The following MANEA variants were observed in gnomAD, a reference collection of about 807,000 sequenced individuals.
The protein encoded by MANEA is mannosidase endo-alpha.
Under a neutral mutation model 36.8 loss-of-function variants are expected in MANEA, and 25 were observed. The observed-to-expected ratio is 0.68, with a 90% confidence interval of 0.50 to 0.95. MANEA has a LOEUF of 0.95. Among genes scored for constraint, MANEA ranks in the 40% least tolerant of loss-of-function variants. The probability of loss-of-function intolerance (pLI) is 0.00; values close to 1 mark genes in which losing one functional copy is unlikely to be tolerated. For missense variants in MANEA, 565 were observed against 558.8 expected, an observed-to-expected ratio of 1.01 and a Z score of -0.11; for synonymous variants, 198 against 188.5, an observed-to-expected ratio of 1.05 and a Z score of -0.41.
chr6:95,593,520 C>T (rs1197811138), intron 2 of MANEA, among the ~76,000 whole-genome samples: 2 of 152,154 alleles, frequency 1.3e-5, no homozygotes, highest in South Asian at 2.1e-4. Context: ...GTAGAATTTT[C>T]TGTGATGATG....
intron 2 of MANEA, among the ~76,000 whole-genome samples, chr6:95,592,280 C>A (rs1410365376): frequency 1.3e-5 from 2 of 152,102 alleles, no homozygotes; most frequent in Admixed American, 1.3e-4. Context: ...TCTTATAGTT[C>A]CCATATCTCT....
At chr6:95,599,855 T>C (rs997516892) in intron 3 of MANEA, among the ~76,000 whole-genome samples, 1 of 152,198 alleles carries the variant, frequency 6.6e-6, no homozygotes, top group African/African-American at 2.4e-5. Flanking sequence ...GCCATGTCCC[T>C]TGGTGCCTTT....
At chr6:95,584,183 A>C (rs1330855886) in intron 1 of MANEA, among the ~76,000 whole-genome samples, 2 of 152,192 alleles carry the variant, frequency 1.3e-5, no homozygotes, top group East Asian at 3.9e-4. Flanking sequence ...AACAATATGA[A>C]ATCAGTGCAC....
At chr6:95,597,701 G>C (rs1487057606) in intron 3 of MANEA, among the ~76,000 whole-genome samples, 1 of 151,918 alleles carries the variant, frequency 6.6e-6, no homozygotes, top group Non-Finnish European at 1.5e-5. Context: ...TGAAATTTAA[G>C]TGATATAAAT....
At chr6:95,605,336 T>G (rs1684668744) in intron 4 of MANEA, among the ~76,000 whole-genome samples, 1 of 152,162 alleles carries the variant, frequency 6.6e-6, no homozygotes, top group African/African-American at 2.4e-5. Context: ...ACAGTTTTCA[T>G]TTTTTGAAAG....
At chr6:95,584,627 G>T (rs1769246049) in intron 1 of MANEA, among the ~76,000 whole-genome samples, 1 of 152,146 alleles carries the variant, frequency 6.6e-6, no homozygotes, top group East Asian at 1.9e-4. Flanking sequence ...TGTTTCCCCA[G>T]AAGCATGTGA....
chr6:95,597,410 A>G (rs760452381), intron 3 of MANEA, among the ~76,000 whole-genome samples: 19 of 152,074 alleles, frequency 1.2e-4, no homozygotes, highest in Non-Finnish European at 1.9e-4. Flanking sequence ...TCATGGAAAC[A>G]AATAGGAGTG....
chr6:95,588,930 C>G (rs562099851), intron 2 of MANEA, among the ~76,000 whole-genome samples: 75 of 151,608 alleles, frequency 4.9e-4, no homozygotes, highest in African/African-American at 1.8e-3. Flanking sequence ...TTATAAAGAC[C>G]TTTTTCCCTG....
chr6:95,586,784 A>G lies in MANEA; in HGVS notation c.345A>G (p.Gln115=), dbSNP rs952326578. Residue 115 remains glutamine (Q), a synonymous_variant, in exon 2 of 5, where the codon CAA becomes CAG. Coordinates refer to ENST00000358812, the MANE Select transcript of MANEA (RefSeq NM_024641.4). ...VFYYSWYGNP[Q]FDGKYIHWNH... ...ATTACAGTTGGTATGGAAATCCACA[A>G]TTTGATGGTAAATATATACATTGGA... 6.2e-7 allele frequency: 1 copy of G among 1,613,786 alleles called. No individual in the cohort carries two copies. The highest frequency in any genetic ancestry group is 1.3e-5 in the African/African-American group (1 of 74,912).
chr6:95,580,372 T>C (rs138634520), intron 1 of MANEA, among the ~76,000 whole-genome samples: 80 of 152,182 alleles, frequency 5.3e-4, no homozygotes, highest in African/African-American at 1.9e-3. Context: ...TTTCTGAAAC[T>C]TAAGGAGCAA....
Position 95,586,997 on chromosome 6 carries a change from A to G in MANEA, c.544+14A>G. The G allele has an allele frequency of 7.0e-7, 1 of 1,422,638 alleles. No homozygotes were observed. The highest frequency in any genetic ancestry group is 2.4e-5 in the East Asian group (1 of 41,936). The allele number at this position is 1,422,638 out of a possible 1,614,324, so 88.1% of individuals were successfully genotyped here. On this transcript the variant is annotated intron_variant, in intron 2 of 4. Transcript: ENST00000358812. ...CAGCTTCAATTGGTAATTATTGTAT[A>G]TATATATATGTGTGTTTGTGTCTGT...
At chr6:95,584,116 C>T (rs1327298465) in intron 1 of MANEA, among the ~76,000 whole-genome samples, 1 of 152,154 alleles carries the variant, frequency 6.6e-6, no homozygotes, top group Non-Finnish European at 1.5e-5. Context: ...ATGTACGTCA[C>T]CTCAGGACCA....
At chr6:95,593,225 G>C (rs932270670) in intron 2 of MANEA, among the ~76,000 whole-genome samples, 1 of 152,162 alleles carries the variant, frequency 6.6e-6, no homozygotes, top group Admixed American at 6.5e-5. Flanking sequence ...TCACTGGCGT[G>C]GTTCCCAGGC....
chr6:95,603,444 A>G (rs1339654456), intron 3 of MANEA, among the ~76,000 whole-genome samples: 5 of 152,166 alleles, frequency 3.3e-5, no homozygotes, highest in Non-Finnish European at 7.4e-5. Context: ...TACCCTGGCA[A>G]TACTAACAAT....
At chr6:95,603,749 A>C (rs1582230853) in intron 3 of MANEA, among the ~76,000 whole-genome samples, 1 of 152,058 alleles carries the variant, frequency 6.6e-6, no homozygotes, top group Admixed American at 6.5e-5. Context: ...GACTGCCATA[A>C]AGATTTTTAG....
In MANEA at chr6:95,605,432, T is replaced by C. The variant is rs557500757; in HGVS notation, c.732-316T>C. ...CAGTAGAACATTTATCACTGATAGA[T>C]AAAAAAGCAGTTTAGGTATTATGTA... On this transcript the variant is annotated intron_variant, in intron 4 of 4. Transcript: ENST00000358812. Among the ~76,000 whole-genome samples, 3 of 152,286 alleles carry C rather than the reference T, an allele frequency of 2.0e-5. No homozygotes were observed. In the East Asian group the frequency reaches 5.8e-4, roughly 29 times the overall value.
chr6:95,591,831 G>C (rs1769390503), intron 2 of MANEA, among the ~76,000 whole-genome samples: 1 of 152,016 alleles, frequency 6.6e-6, no homozygotes, highest in Non-Finnish European at 1.5e-5. Context: ...ACCCTCCCAA[G>C]TAGCTGGGAC....
At chr6:95,597,790 G>A (rs1358559086) in intron 3 of MANEA, among the ~76,000 whole-genome samples, 2 of 152,022 alleles carry the variant, frequency 1.3e-5, no homozygotes, top group African/African-American at 2.4e-5. Flanking sequence ...TATGATAGAT[G>A]AAGTGTGAAA....
intron 2 of MANEA, among the ~76,000 whole-genome samples, chr6:95,595,103 T>A (rs892754956): frequency 3.3e-5 from 5 of 152,194 alleles, no homozygotes; most frequent in African/African-American, 9.6e-5. Flanking sequence ...TTGCTTATAA[T>A]TTTCATGTGA....
Sources: gnomAD v4.1 joint callset for allele counts (sites outside exome capture counted in the v4.1 genomes callset) on GRCh38, gnomAD v4.1.1 for gene constraint, MANE v1.5 for transcripts, NCBI Gene and HGNC (gene_info 2026-07-23, HGNC 2026-07-21) for gene names.